KDM2B: variants seen among roughly 807,000 people sequenced by gnomAD.
The protein encoded by KDM2B is lysine demethylase 2B, also known as lysine-specific demethylase 2B.
A neutral mutation model predicts 150.0 loss-of-function variants in KDM2B; 26 were observed. The observed-to-expected ratio is 0.17, with a 90% CI of 0.13 to 0.24. The LOEUF (loss-of-function observed/expected upper bound fraction) is 0.24, where lower values mean the gene tolerates loss of function less well. KDM2B is among the 10% of genes least tolerant of loss of function. The pLI, the probability that KDM2B is intolerant of heterozygous loss-of-function variation, is 1.00. For missense variants in KDM2B, 1,265 were observed against 1,816.9 expected (o/e 0.70, Z 5.52); for synonymous variants, 734 against 729.5 (o/e 1.01, Z -0.10).
intron 12 of KDM2B, among the ~76,000 whole-genome samples, chr12:121,482,896 T>G (rs1369258630): frequency 6.6e-6 from 1 of 152,112 alleles, no homozygotes; most frequent in Non-Finnish European, 1.5e-5. Context: ...CCAGGTGCAG[T>G]GGCTCACACT....
At chr12:121,450,618 G>C (rs1417406928) in intron 13 of KDM2B, among the ~76,000 whole-genome samples, 1 of 152,162 alleles carries the variant, frequency 6.6e-6, no homozygotes, top group Non-Finnish European at 1.5e-5. Context: ...CCAGCACTTT[G>C]GGAGGCCGAG....
intron 11 of KDM2B, among the ~76,000 whole-genome samples, chr12:121,506,380 T>G (rs1555302966): frequency 6.6e-6 from 1 of 151,912 alleles, no homozygotes; most frequent in Non-Finnish European, 1.5e-5. Flanking sequence ...CTGGAAGAGG[T>G]GATGGCACCC....
At chr12:121,505,179 G>A (rs1217893328) in intron 11 of KDM2B, among the ~76,000 whole-genome samples, 12 of 149,196 alleles carry the variant, frequency 8.0e-5, no homozygotes, top group African/African-American at 1.2e-4. Flanking sequence ...CCAGCTACTC[G>A]GGAGGCTGAG....
In KDM2B at chr12:121,520,349, C is replaced by T. The variant is rs1402049776; in HGVS notation, c.1047+636G>A. On this transcript the variant is annotated intron_variant, in intron 9 of 22. Transcript: ENST00000377071. This position sits in a 1 kb window ranked among gnomAD's most constrained non-coding sequence, Gnocchi z 4.5. ...GACACACATCAGTTACCTAAGCCTC[C>T]GCCCATGTTCGTAGGACATGGGGTG... Among the ~76,000 whole-genome samples, 1 of 152,128 alleles carries T rather than the reference C, an allele frequency of 6.6e-6. No individual in the cohort carries two copies. The highest frequency in any genetic ancestry group is 1.5e-5 in the Non-Finnish European group (1 of 68,026).
Position 121,477,686 on chromosome 12 carries a change from T to C in KDM2B, c.1734+16893A>G, listed in dbSNP as rs181653903. ...TCTGCCTCCCGGGTTCAAGCGATTCTTGTGCCTCAGCCTCCAGAGTAGCTG... is the reference window on the plus strand; with the variant it reads ...TCTGCCTCCCGGGTTCAAGCGATTCCTGTGCCTCAGCCTCCAGAGTAGCTG... On this transcript the variant is annotated intron_variant, in intron 12 of 22. Coordinates refer to ENST00000377071, the MANE Select transcript of KDM2B (RefSeq NM_032590.5). Among the ~76,000 whole-genome samples, 54 of 151,902 alleles carry C rather than the reference T, an allele frequency of 3.6e-4. 1 individual carries two copies. The South Asian group carries it at 6.9e-3, about 19-fold the overall frequency.
At chr12:121,495,975 A>G (rs1452378814) in intron 11 of KDM2B, among the ~76,000 whole-genome samples, 8 of 152,080 alleles carry the variant, frequency 5.3e-5, no homozygotes, top group Admixed American at 3.3e-4. Context: ...AGGTTCTTCA[A>G]AGGGAATTCT....
intron 11 of KDM2B, among the ~76,000 whole-genome samples, chr12:121,503,657 G>A (rs1391717113): frequency 6.6e-6 from 1 of 152,132 alleles, no homozygotes; most frequent in Non-Finnish European, 1.5e-5. Context: ...GGGCTGCTGA[G>A]AGGTGAGAAG....
intron 22 of KDM2B, among the ~76,000 whole-genome samples, chr12:121,435,611 G>A (rs1555286585): frequency 1.3e-5 from 2 of 152,056 alleles, no homozygotes; most frequent in African/African-American, 4.8e-5. Flanking sequence ...CTGATGGGCT[G>A]GGCTCCAGTG....
At chr12:121,517,169 A>G (rs1041999232) in intron 9 of KDM2B, among the ~76,000 whole-genome samples, 32 of 152,340 alleles carry the variant, frequency 2.1e-4, no homozygotes, top group African/African-American at 7.2e-4. Flanking sequence ...TGTCTTAAGT[A>G]TCAAATGCAC....
chr12:121,468,047 GCCTGACGGGGGCTGTCAGAACGC>G lies in KDM2B; in HGVS notation c.1735-14726_1735-14704del, dbSNP rs1174995224. On this transcript the variant is annotated intron_variant, in intron 12 of 22. Transcript: ENST00000377071. This position sits in a 1 kb window ranked among gnomAD's most constrained non-coding sequence, Gnocchi z 4.0. The stretch of plus-strand genomic sequence containing the variant: ...TGCAGGCGGGAGTTCCACTCGAGTC[GCCTGACGGGGGCTGTCAGAACGC>G]CCTGACTCTACCCTGAGGTGGGCGC... The G allele has an allele frequency of 1.3e-5, 2 of 152,232 alleles. No homozygotes were observed. Among genetic ancestry groups the G allele is most frequent in the Non-Finnish European group, 2.9e-5 (2 of 68,078 alleles). 9.4% of individuals were successfully genotyped at this position (152,232 alleles called of 1,614,324 possible).
Position 121,520,491 on chromosome 12 carries a change from A to T in KDM2B, c.1047+494T>A, listed in dbSNP as rs2141180671. Among the ~76,000 whole-genome samples the T allele has an allele frequency of 6.6e-6, 1 of 152,274 alleles. No individual in the cohort carries two copies. Among genetic ancestry groups the T allele is most frequent in the African/African-American group, 2.4e-5 (1 of 41,554 alleles). On this transcript the variant is annotated intron_variant, in intron 9 of 22. Transcript: ENST00000377071. This position sits in a 1 kb window ranked among gnomAD's most constrained non-coding sequence, Gnocchi z 4.5. ...CAGACATGGAGACTACCTCAGAGAC[A>T]GTACCCAGGGGGACTCAGGCACTGG...
intron 11 of KDM2B, among the ~76,000 whole-genome samples, chr12:121,499,700 C>T (rs1593960028): frequency 6.6e-6 from 1 of 151,828 alleles, no homozygotes; most frequent in Non-Finnish European, 1.5e-5. Flanking sequence ...GTAATTCCAG[C>T]ACTTTGAGAG....
chr12:121,424,983 G>A (rs911103557), downstream of KDM2B, among the ~76,000 whole-genome samples: 2 of 152,172 alleles, frequency 1.3e-5, no homozygotes, highest in African/African-American at 4.8e-5. Context: ...TCTGATGCCA[G>A]AGTTGCTCTT....
At chr12:121,522,911 C>T (rs921592358) in intron 8 of KDM2B, among the ~76,000 whole-genome samples, 4 of 152,148 alleles carry the variant, frequency 2.6e-5, no homozygotes, top group East Asian at 3.8e-4. Flanking sequence ...ATTTTGAGCC[C>T]GGGAAGTCGG....
chr12:121,478,639 G>A (rs1029766697), intron 12 of KDM2B, among the ~76,000 whole-genome samples: 3 of 151,010 alleles, frequency 2.0e-5, no homozygotes, highest in Non-Finnish European at 4.4e-5. Flanking sequence ...GATTACAGGC[G>A]TGAGCCACTG....
At chr12:121,463,310 C>T (rs1397046140) in intron 12 of KDM2B, among the ~76,000 whole-genome samples, 24 of 149,738 alleles carry the variant, frequency 1.6e-4, no homozygotes, top group African/African-American at 3.5e-4. Context: ...AGCGAGACTC[C>T]GTCTCAAAAA....
intron 12 of KDM2B, among the ~76,000 whole-genome samples, chr12:121,456,947 C>T (rs1878332065): frequency 1.3e-5 from 2 of 152,126 alleles, no homozygotes; most frequent in Non-Finnish European, 2.9e-5. Context: ...TTTCTGCTGC[C>T]GGCAGTGGCC....
intron 1 of KDM2B, chr12:121,579,919 AAAG>A: frequency 6.6e-7 from 1 of 1,523,394 alleles, no homozygotes; most frequent in Non-Finnish European, 8.8e-7. Flanking sequence ...ACAGAAAAGG[AAAG>A]AAAAGGCAGC....
chr12:121,484,238 G>A (rs1882491642), intron 12 of KDM2B, among the ~76,000 whole-genome samples: 1 of 152,186 alleles, frequency 6.6e-6, no homozygotes. Flanking sequence ...GGGAGGGGCT[G>A]AGGTGCAACT....
Sources: gnomAD v4.1 joint callset for allele counts (sites outside exome capture counted in the v4.1 genomes callset) on GRCh38, gnomAD v4.1.1 for gene constraint, Gnocchi (gnomAD v3.1) non-coding constraint, MANE v1.5 for transcripts, NCBI Gene and HGNC (gene_info 2026-07-23, HGNC 2026-07-21) for gene names.